The following HS6ST3 variants were observed in gnomAD, a reference collection of about 807,000 sequenced individuals.
The protein encoded by HS6ST3 is heparan sulfate 6-O-sulfotransferase 3, also known as heparan-sulfate 6-O-sulfotransferase 3.
HS6ST3 carries 12 observed loss-of-function variants against 36.7 expected under a neutral mutation model. That is an observed-to-expected ratio of 0.33 (90% confidence interval 0.21 to 0.53). The LOEUF (loss-of-function observed/expected upper bound fraction) is 0.53, where lower values mean the gene tolerates loss of function less well. Ranked by LOEUF, HS6ST3 falls within the 20% of genes least tolerant of loss-of-function variation. HS6ST3 has a pLI of 0.95. For missense variants in HS6ST3, 584 were observed against 640.9 expected (o/e 0.91, Z 0.96); for synonymous variants, 240 against 257.5 (o/e 0.93, Z 0.65).
At chr13:96,743,009 C>G (rs1033425877) in intron 1 of HS6ST3, among the ~76,000 whole-genome samples, 2 of 152,054 alleles carry the variant, frequency 1.3e-5, no homozygotes, top group African/African-American at 4.8e-5. Flanking sequence ...AGTGTCCACT[C>G]TAACCTTTTT....
chr13:96,496,423 T>G (rs2138909691), intron 1 of HS6ST3, among the ~76,000 whole-genome samples: 1 of 152,242 alleles, frequency 6.6e-6, no homozygotes, highest in South Asian at 2.1e-4. Context: ...TGGGCCAGTC[T>G]TCTGACTGGC....
intron 1 of HS6ST3, among the ~76,000 whole-genome samples, chr13:96,363,661 C>G (rs998249248): frequency 1.3e-5 from 2 of 152,036 alleles, no homozygotes; most frequent in African/African-American, 4.8e-5. Flanking sequence ...TTTAGACCAT[C>G]ACCACAAAAC....
At chr13:96,320,660 C>G (rs978608958) in intron 1 of HS6ST3, among the ~76,000 whole-genome samples, 8 of 152,186 alleles carry the variant, frequency 5.3e-5, no homozygotes, top group African/African-American at 1.9e-4. Context: ...TTTGAGATGG[C>G]ATTTCAGCTG....
chr13:96,577,529 T>C (rs530898030), intron 1 of HS6ST3, among the ~76,000 whole-genome samples: 2 of 152,360 alleles, frequency 1.3e-5, no homozygotes, highest in South Asian at 2.1e-4. Flanking sequence ...GATATATATA[T>C]ACCCAGTAAT....
intron 1 of HS6ST3, among the ~76,000 whole-genome samples, chr13:96,731,333 G>A (rs1411490666): frequency 2.0e-5 from 3 of 152,034 alleles, no homozygotes; most frequent in African/African-American, 4.8e-5. Context: ...AAGTCATGTG[G>A]TATTTGTCTT....
At chr13:96,217,444 A>G (rs1332960668) in intron 1 of HS6ST3, among the ~76,000 whole-genome samples, 1 of 152,140 alleles carries the variant, frequency 6.6e-6, no homozygotes, top group Non-Finnish European at 1.5e-5. Flanking sequence ...GATAATACCC[A>G]GGGTTTGCAT....
intron 1 of HS6ST3, among the ~76,000 whole-genome samples, chr13:96,152,670 A>G (rs1330072777): frequency 6.6e-6 from 1 of 151,772 alleles, no homozygotes. Context: ...AGTCTTTTTT[A>G]TATGCTTCTA....
At chr13:96,520,455 A>C (rs1204966757) in intron 1 of HS6ST3, among the ~76,000 whole-genome samples, 1 of 152,142 alleles carries the variant, frequency 6.6e-6, no homozygotes, top group Non-Finnish European at 1.5e-5. Context: ...CAGTAAGGCC[A>C]TTTTCATGAT....
intron 1 of HS6ST3, among the ~76,000 whole-genome samples, chr13:96,778,517 A>G (rs988355646): frequency 2.6e-5 from 4 of 152,252 alleles, no homozygotes; most frequent in Admixed American, 6.5e-5. Flanking sequence ...GAAGGATATG[A>G]ATAGACACTT....
intron 1 of HS6ST3, among the ~76,000 whole-genome samples, chr13:96,123,342 G>C (rs1426169609): frequency 6.6e-6 from 1 of 152,142 alleles, no homozygotes; most frequent in East Asian, 1.9e-4. Context: ...TATTATTCAA[G>C]TGCAATAGAT....
intron 1 of HS6ST3, among the ~76,000 whole-genome samples, chr13:96,347,256 C>T (rs1010874826): frequency 2.0e-5 from 3 of 152,146 alleles, no homozygotes; most frequent in African/African-American, 7.2e-5. Context: ...ATGGATGCAG[C>T]CTGCTTTCCT....
chr13:96,097,867 G>T (rs776276294), intron 1 of HS6ST3, among the ~76,000 whole-genome samples: 8 of 152,168 alleles, frequency 5.3e-5, no homozygotes, highest in Non-Finnish European at 1.0e-4. Context: ...ATAAATGTCG[G>T]CTTTTAGATT....
chr13:96,151,790 T>G (rs1594695751), intron 1 of HS6ST3, among the ~76,000 whole-genome samples: 2 of 152,290 alleles, frequency 1.3e-5, no homozygotes, highest in East Asian at 3.9e-4. Flanking sequence ...GGTGTTCAGC[T>G]GCAGCACCTC....
At chr13:96,548,777 T>C (rs2056207348) in intron 1 of HS6ST3, among the ~76,000 whole-genome samples, 1 of 152,218 alleles carries the variant, frequency 6.6e-6, no homozygotes, top group Non-Finnish European at 1.5e-5. Context: ...AGGCGAATTG[T>C]CTGTTATTTG....
Position 96,139,693 on chromosome 13 carries a change from C to T in HS6ST3, c.707+48124C>T, listed in dbSNP as rs912955954. ...TTTTCTTCATGAGTTTTGCATAGGACTACAGTGTATGAAACATAGCAATGA... is the reference window on the plus strand; with the variant it reads ...TTTTCTTCATGAGTTTTGCATAGGATTACAGTGTATGAAACATAGCAATGA... On this transcript the variant is annotated intron_variant, in intron 1 of 1. Coordinates refer to ENST00000376705, the MANE Select transcript of HS6ST3 (RefSeq NM_153456.4). Among the ~76,000 whole-genome samples, 10 of 151,788 alleles carry T rather than the reference C, an allele frequency of 6.6e-5. No individual in the cohort carries two copies. In the East Asian group the frequency reaches 1.9e-3, roughly 29 times the overall value.
intron 1 of HS6ST3, among the ~76,000 whole-genome samples, chr13:96,668,191 C>T (rs976894604): frequency 6.6e-5 from 10 of 151,862 alleles, no homozygotes; most frequent in African/African-American, 2.4e-4. Context: ...CACACACACG[C>T]ACACACACAC....
chr13:96,305,537 A>G (rs1201803140), intron 1 of HS6ST3, among the ~76,000 whole-genome samples: 2 of 152,200 alleles, frequency 1.3e-5, no homozygotes, highest in Non-Finnish European at 2.9e-5. Context: ...CATATTCCAT[A>G]TAGAATTTCT....
intron 1 of HS6ST3, among the ~76,000 whole-genome samples, chr13:96,516,891 T>C (rs556039911): frequency 3.5e-4 from 53 of 152,330 alleles, no homozygotes; most frequent in African/African-American, 8.4e-4. Context: ...TATCAGGTCC[T>C]GGTTCAGTTG....
chr13:96,239,559 TTTA>T (rs1395260809), intron 1 of HS6ST3, among the ~76,000 whole-genome samples: 1 of 152,228 alleles, frequency 6.6e-6, no homozygotes, highest in East Asian at 1.9e-4. Context: ...ATTCATTTGT[TTTA>T]TTAAAGCCAA....
Sources: gnomAD v4.1 joint callset for allele counts (sites outside exome capture counted in the v4.1 genomes callset) on GRCh38, gnomAD v4.1.1 for gene constraint, MANE v1.5 for transcripts, NCBI Gene and HGNC (gene_info 2026-07-23, HGNC 2026-07-21) for gene names.